The following ZFP64 variants were observed in gnomAD, a reference collection of about 807,000 sequenced individuals.
ZFP64 encodes the protein zinc finger protein 64.
ZFP64 carries 14 observed loss-of-function variants against 51.6 expected under a neutral mutation model. The observed-to-expected ratio is 0.27, with a 90% CI of 0.18 to 0.42. The LOEUF (loss-of-function observed/expected upper bound fraction) is 0.42. ZFP64 is among the 10% of genes least tolerant of loss of function. The probability of loss-of-function intolerance (pLI) is 1.00; values close to 1 mark genes in which losing one functional copy is unlikely to be tolerated. For synonymous variants in ZFP64, 375 were observed against 361.4 expected (o/e 1.04, Z -0.43); for missense variants, 754 against 906.8 (o/e 0.83, Z 2.16).
intron 2 of ZFP64, 41 bp from the exon 3 acceptor site, chr20:52,166,066 C>A: frequency 6.4e-7 from 1 of 1,568,188 alleles, no homozygotes; most frequent in Non-Finnish European, 8.6e-7. Context: ...AATATAAATG[C>A]CCGCTAGCTA....
At chr20:52,111,536 T>C (rs72626578) in intron 5 of ZFP64, among the ~76,000 whole-genome samples, 30,984 of 151,718 alleles carry the variant, frequency 0.2, 3,527 homozygotes, top group Admixed American at 0.27. Context: ...TTTTTAATAG[T>C]TGTTAGATAA....
Position 52,160,524 on chromosome 20 carries a change from G to T in ZFP64, c.512-150C>A. ...ACACTGGGTGGATGATTGGCAAAGA[G>T]CTAACATCTTGGGAGAGGGGAAGTT... On this transcript the variant is annotated intron_variant, in intron 4 of 5. Coordinates refer to ENST00000216923, the MANE Select transcript of ZFP64 (RefSeq NM_018197.3). The surrounding 1 kb of genome is among the most constrained non-coding windows in gnomAD (Gnocchi z 4.2). 1.8e-6 allele frequency: 2 copies of T among 1,085,652 alleles called. No individual in the cohort carries two copies. Among genetic ancestry groups the T allele is most frequent in the Non-Finnish European group, 1.3e-6 (1 of 789,544 alleles). 67.3% of individuals were successfully genotyped at this position (1,085,652 alleles called of 1,614,324 possible).
At chr20:52,173,639 T>C (rs1273307472) in intron 2 of ZFP64, among the ~76,000 whole-genome samples, 1 of 151,074 alleles carries the variant, frequency 6.6e-6, no homozygotes. Context: ...GCAATATACA[T>C]CCTTGCTTTT....
intron 5 of ZFP64, among the ~76,000 whole-genome samples, chr20:52,140,164 T>C (rs1980188822): frequency 1.3e-5 from 2 of 152,150 alleles, no homozygotes; most frequent in African/African-American, 2.4e-5. Flanking sequence ...TCCCTCTATT[T>C]GAGCTTCCCT....
At chr20:52,119,745 A>G (rs1724832233) in intron 5 of ZFP64, among the ~76,000 whole-genome samples, 1 of 151,680 alleles carries the variant, frequency 6.6e-6, no homozygotes, top group African/African-American at 2.4e-5. Context: ...AAACAAAAAA[A>G]CAACCAAACA....
chr20:52,159,438 A>G (rs1033751382), intron 5 of ZFP64, among the ~76,000 whole-genome samples: 1 of 152,220 alleles, frequency 6.6e-6, no homozygotes, highest in Non-Finnish European at 1.5e-5. Context: ...TCAATTACAC[A>G]CTTTACAACT....
chr20:52,152,487 C>G lies in ZFP64; in HGVS notation c.1705G>C (p.Val569Leu), dbSNP rs1273052186. The G allele has an allele frequency of 6.2e-7, 1 of 1,611,414 alleles. No homozygotes were observed. Among genetic ancestry groups the G allele is most frequent in the East Asian group, 2.2e-5 (1 of 44,852 alleles). ...SEAGAMTQPA[V>L]LLTTHEQTDG... ...GTCTGCTCGTGGGTGGTCAGCAGGACAGCCGGCTGGGTCATTGCGCCCGCC... is the reference window on the plus strand; with the variant it reads ...GTCTGCTCGTGGGTGGTCAGCAGGAGAGCCGGCTGGGTCATTGCGCCCGCC... The change falls in exon 6 of 6, where the codon GTC becomes CTC. Residue 569 changes from valine to leucine, a missense_variant. Val to Leu is a conservative substitution (Grantham distance 32). This residue lies in a region of ZFP64 where 428 missense variants were observed against 472.4 expected (regional missense o/e 0.91). Coordinates refer to ENST00000216923, the MANE Select transcript of ZFP64 (RefSeq NM_018197.3).
chr20:52,105,136 C>A, intron 5 of ZFP64: 1 of 1,423,750 alleles, frequency 7.0e-7, no homozygotes, highest in Non-Finnish European at 9.1e-7. Flanking sequence ...ACTCACCCGG[C>A]TCCCCCGCCA....
chr20:52,110,504 T>G (rs1978502643), intron 5 of ZFP64: 1 of 714,036 alleles, frequency 1.4e-6, no homozygotes. Context: ...TCTAAGATCT[T>G]CCCTGTGATC....
intron 5 of ZFP64, among the ~76,000 whole-genome samples, chr20:52,141,423 T>C (rs533829965): frequency 6.6e-6 from 1 of 152,308 alleles, no homozygotes; most frequent in South Asian, 2.1e-4. Flanking sequence ...ATGAAGATCA[T>C]TCATGATTCT....
chr20:52,084,695 C>T lies in ZFP64; in HGVS notation c.1800G>A (p.Lys600=), dbSNP rs1440576902. 3 of 1,614,126 alleles carry T rather than the reference C, an allele frequency of 1.9e-6. No individual in the cohort carries two copies. In the African/African-American group the frequency reaches 4.0e-5, roughly 22 times the overall value. The change falls in exon 9 of 9, where the codon AAG becomes AAA. Residue 600 remains lysine (K), a synonymous_variant. Coordinates refer to the ZFP64 transcript ENST00000361387. ...TGTTCTCACTCTGATCACTGTGCTG[C>T]TTCTTGTGGCATCTCAGAGAGTCAT... is the stretch of plus-strand genomic sequence containing the variant.
chr20:52,135,127 G>C (rs1280552850), intron 5 of ZFP64, among the ~76,000 whole-genome samples: 1 of 152,130 alleles, frequency 6.6e-6, no homozygotes. Flanking sequence ...GCCTCCCATA[G>C]TGCTGGGATT....
At chr20:52,141,112 T>C (rs1025028218) in intron 5 of ZFP64, among the ~76,000 whole-genome samples, 1 of 152,184 alleles carries the variant, frequency 6.6e-6, no homozygotes, top group African/African-American at 2.4e-5. Flanking sequence ...CCTTCCACAA[T>C]ATTACTGCTT....
At chr20:52,091,800 C>G (rs1389086800) in intron 7 of ZFP64, among the ~76,000 whole-genome samples, 2 of 137,786 alleles carry the variant, frequency 1.5e-5, no homozygotes, top group African/African-American at 5.0e-5. Flanking sequence ...CCAACCTGAC[C>G]AACATGGAGA....
intron 5 of ZFP64, among the ~76,000 whole-genome samples, chr20:52,133,899 C>T (rs1200119066): frequency 6.6e-6 from 1 of 151,868 alleles, no homozygotes; most frequent in Non-Finnish European, 1.5e-5. Flanking sequence ...CATGGTGGTG[C>T]ATGCCTGTGA....
intron 5 of ZFP64, among the ~76,000 whole-genome samples, chr20:52,124,586 G>A (rs1289150150): frequency 6.6e-6 from 1 of 151,648 alleles, no homozygotes; most frequent in Non-Finnish European, 1.5e-5. Context: ...CAAAAATATT[G>A]TAAAAAAGTA....
At chr20:52,125,375 G>A (rs576635053) in intron 5 of ZFP64, among the ~76,000 whole-genome samples, 1 of 152,280 alleles carries the variant, frequency 6.6e-6, no homozygotes, top group African/African-American at 2.4e-5. Context: ...CCATAACCAT[G>A]ACCAAGGCAC....
In ZFP64 at chr20:52,091,193, C is replaced by T. The variant is rs2078922740; in HGVS notation, c.977-2550G>A. ...TTATAAACAAAAACGTATTACATTT[C>T]CCTCTTAAAGATTTAAATTATAGGT... On this transcript the variant is annotated intron_variant, in intron 7 of 8. Transcript: ENST00000361387. Among the ~76,000 whole-genome samples, 6 of 152,206 alleles carry T rather than the reference C, an allele frequency of 3.9e-5. No individual in the cohort carries two copies. In the South Asian group the frequency reaches 1.2e-3, roughly 32 times the overall value.
At chr20:52,101,445 C>T (rs1232624755) in intron 5 of ZFP64, among the ~76,000 whole-genome samples, 1 of 152,222 alleles carries the variant, frequency 6.6e-6, no homozygotes, top group Non-Finnish European at 1.5e-5. Context: ...ACATGGCTCA[C>T]TGCAAACTCC....
Sources: gnomAD v4.1 joint callset for allele counts (sites outside exome capture counted in the v4.1 genomes callset) on GRCh38, gnomAD v4.1.1 for gene constraint, gnomAD v4.1.1 regional missense constraint, Gnocchi (gnomAD v3.1) non-coding constraint, MANE v1.5 for transcripts, NCBI Gene and HGNC (gene_info 2026-07-23, HGNC 2026-07-21) for gene names.